BBOX1: variants seen among roughly 807,000 people sequenced by gnomAD.
The protein encoded by BBOX1 is gamma-butyrobetaine hydroxylase 1.
In BBOX1, 35 loss-of-function variants were observed where a neutral mutation model predicts 41.6. The observed-to-expected ratio is 0.84, with a 90% confidence interval of 0.64 to 1.11. The LOEUF (loss-of-function observed/expected upper bound fraction) is 1.11, where lower values mean the gene tolerates loss of function less well. BBOX1 is among the 50% of genes most tolerant of loss of function. BBOX1 has a pLI of 0.00. For missense variants in BBOX1, 458 were observed against 460.6 expected, an observed-to-expected ratio of 0.99 and a Z score of 0.05; for synonymous variants, 163 against 154.7, an observed-to-expected ratio of 1.05 and a Z score of -0.40.
chr11:27,085,658 T>C (rs1286278358), intron 4 of BBOX1, among the ~76,000 whole-genome samples: 2 of 150,544 alleles, frequency 1.3e-5, no homozygotes, highest in African/African-American at 4.9e-5. Context: ...AACCCCACAA[T>C]GACCTCTAAG....
intron 5 of BBOX1, among the ~76,000 whole-genome samples, chr11:27,101,740 G>A (rs1231316951): frequency 6.6e-6 from 1 of 151,924 alleles, no homozygotes; most frequent in Non-Finnish European, 1.5e-5. Flanking sequence ...AGGTACAAGA[G>A]ACAAAAATTG....
chr11:27,073,948 G>GC (rs1857550442), intron 4 of BBOX1, among the ~76,000 whole-genome samples: 1 of 152,016 alleles, frequency 6.6e-6, no homozygotes, highest in Non-Finnish European at 1.5e-5. Flanking sequence ...AGCATTAGGA[G>GC]ATATACCTAA....
chr11:27,069,808 T>A (rs1857389546), intron 4 of BBOX1, among the ~76,000 whole-genome samples: 1 of 152,236 alleles, frequency 6.6e-6, no homozygotes, highest in South Asian at 2.1e-4. Flanking sequence ...TTGAGGTACG[T>A]TCCTTCAATG....
chr11:27,101,487 C>T (rs1858652916), intron 5 of BBOX1, among the ~76,000 whole-genome samples: 1 of 152,060 alleles, frequency 6.6e-6, no homozygotes, highest in South Asian at 2.1e-4. Flanking sequence ...GTGGAATTCT[C>T]ATTAATTATT....
At chr11:27,093,678 T>C (rs1858330743) in intron 5 of BBOX1, among the ~76,000 whole-genome samples, 1 of 151,770 alleles carries the variant, frequency 6.6e-6, no homozygotes, top group South Asian at 2.1e-4. Flanking sequence ...TATTTGTTTT[T>C]TTACAGTTCT....
chr11:27,043,071 A>AT (rs1383434578), intron 2 of BBOX1, among the ~76,000 whole-genome samples: 84 of 150,016 alleles, frequency 5.6e-4, no homozygotes, highest in East Asian at 5.5e-3. Flanking sequence ...TTATTTATTT[A>AT]TTTTTTTTTT....
At chr11:27,107,305 G>GT (rs1054089455) in intron 5 of BBOX1, among the ~76,000 whole-genome samples, 9 of 152,008 alleles carry the variant, frequency 5.9e-5, no homozygotes, top group East Asian at 3.9e-4. Flanking sequence ...CCAGGAGCTG[G>GT]TTTTTTTAAA....
At chr11:27,052,382 C>T (rs1851698355) in intron 2 of BBOX1, among the ~76,000 whole-genome samples, 1 of 152,008 alleles carries the variant, frequency 6.6e-6, no homozygotes, top group Non-Finnish European at 1.5e-5. Flanking sequence ...ATATACCATA[C>T]ACACTGTCAT....
At chr11:27,120,762 T>C (rs149759442) in intron 7 of BBOX1, among the ~76,000 whole-genome samples, 134 of 152,224 alleles carry the variant, frequency 8.8e-4, no homozygotes, top group African/African-American at 2.9e-3. Context: ...TAAATTTTTC[T>C]ATTAAGAGAA....
intron 8 of BBOX1, among the ~76,000 whole-genome samples, chr11:27,126,942 G>A (rs111282006): frequency 0.012 from 1,810 of 152,194 alleles, 34 homozygotes; most frequent in African/African-American, 0.042. Flanking sequence ...CCAAAGTGCC[G>A]GGATTACAGG....
chr11:27,104,248 T>C (rs1171166833), intron 5 of BBOX1, among the ~76,000 whole-genome samples: 1 of 152,158 alleles, frequency 6.6e-6, no homozygotes, highest in Non-Finnish European at 1.5e-5. Context: ...CACTGCACTG[T>C]CCAGTAAACA....
At chr11:27,070,180 C>A (rs896989110) in intron 4 of BBOX1, among the ~76,000 whole-genome samples, 8 of 152,086 alleles carry the variant, frequency 5.3e-5, no homozygotes, top group Non-Finnish European at 8.8e-5. Context: ...GTTTTGTGAA[C>A]TATTATATGG....
intron 4 of BBOX1, among the ~76,000 whole-genome samples, chr11:27,076,440 C>CA (rs1395768122): frequency 6.6e-6 from 1 of 152,202 alleles, no homozygotes; most frequent in Non-Finnish European, 1.5e-5. Flanking sequence ...GTAACACACA[C>CA]ATTTTCTCCT....
chr11:27,101,957 C>A (rs942024019), intron 5 of BBOX1, among the ~76,000 whole-genome samples: 1 of 152,060 alleles, frequency 6.6e-6, no homozygotes, highest in Non-Finnish European at 1.5e-5. Context: ...CATATAATAA[C>A]CAAATGTTTC....
chr11:27,044,073 G>C (rs1851423128), intron 2 of BBOX1, among the ~76,000 whole-genome samples: 1 of 152,148 alleles, frequency 6.6e-6, no homozygotes, highest in Admixed American at 6.5e-5. Context: ...GTGTAAAAGT[G>C]TTCCTATTTC....
chr11:27,120,376 C>A (rs1200871674), intron 7 of BBOX1, among the ~76,000 whole-genome samples: 1 of 152,070 alleles, frequency 6.6e-6, no homozygotes, highest in African/African-American at 2.4e-5. Flanking sequence ...TAATTTCTGT[C>A]CAAGTCTATC....
intron 5 of BBOX1, among the ~76,000 whole-genome samples, chr11:27,108,402 C>G (rs865774935): frequency 3.3e-5 from 5 of 152,174 alleles, no homozygotes; most frequent in Middle Eastern, 3.4e-3. Flanking sequence ...TCGTGCAAAC[C>G]GCAGCATTTT....
chr11:27,070,706 A>ATTTTTTTTTTTTTTTTTTTTT (rs58041903), intron 4 of BBOX1, among the ~76,000 whole-genome samples: 1 of 133,712 alleles, frequency 7.5e-6, no homozygotes, highest in Non-Finnish European at 1.6e-5. Context: ...TTTGTGATTG[A>ATTTTTTTTTTTTTTTTTTTTT]TTTTTTTTTT....
rs1251078572 is a variant in BBOX1 at position 27,097,457 on chromosome 11, G to A, written c.533+4091G>A. On this transcript the variant is annotated intron_variant, in intron 5 of 8. Transcript: ENST00000263182. ...GTACAATTTCTGTCAATCAAACAGA[G>A]TATCTTTCTTGAATACTAATAATAC... Among the ~76,000 whole-genome samples, 6 of 152,036 alleles carry A rather than the reference G, an allele frequency of 3.9e-5. No homozygotes were observed. The East Asian group carries it at 9.7e-4, about 24-fold the overall frequency.
Sources: allele counts gnomAD v4.1 joint callset (sites outside exome capture counted in the v4.1 genomes callset), GRCh38; gene constraint gnomAD v4.1.1; transcripts MANE v1.5; gene names NCBI Gene and HGNC (gene_info 2026-07-23, HGNC 2026-07-21).